The following SHLD3 variants were observed in gnomAD, a reference collection of about 807,000 sequenced individuals.
SHLD3 encodes shieldin complex subunit 3, also known as REV7-interacting novel NHEJ regulator 1.
A neutral mutation model predicts 21.4 loss-of-function variants in SHLD3; 15 were observed. The observed-to-expected ratio is 0.70, with a 90% CI of 0.47 to 1.08. The LOEUF is 1.08. Among genes scored for constraint, SHLD3 ranks in the 50% least tolerant of loss-of-function variants. The pLI is 0.00. For missense variants in SHLD3, 273 were observed against 286.1 expected, an observed-to-expected ratio of 0.95 and a Z score of 0.33; for synonymous variants, 103 against 97.2, an observed-to-expected ratio of 1.06 and a Z score of -0.35.
chr5:65,628,716 C>A (rs557744862), intron 1 of SHLD3, among the ~76,000 whole-genome samples: 1 of 151,998 alleles, frequency 6.6e-6, no homozygotes, highest in South Asian at 2.1e-4. Flanking sequence ...GTGATCTGCC[C>A]GCCTTGGCCC....
intron 1 of SHLD3, among the ~76,000 whole-genome samples, chr5:65,626,411 C>T (rs1755233132): frequency 6.6e-6 from 1 of 152,160 alleles, no homozygotes; most frequent in Non-Finnish European, 1.5e-5. Context: ...TTAACTGCTA[C>T]GTGTGATTTA....
In SHLD3 at chr5:65,625,042, G is replaced by T; in HGVS notation, c.-185G>T. ...CCTGTCCAGCCCCCGTAGGCTGTGG[G>T]TCAAAAGTGCCGGTCAAAATGGAAG... On this transcript the variant is annotated 5_prime_UTR_variant, in exon 1 of 2. Transcript: ENST00000510585. 1 of 1,612,174 alleles carries T rather than the reference G, an allele frequency of 6.2e-7. No homozygotes were observed. Among genetic ancestry groups the T allele is most frequent in the South Asian group, 1.1e-5 (1 of 91,038 alleles).
Position 65,630,717 on chromosome 5 carries a change from A to G in SHLD3, c.*377A>G, listed in dbSNP as rs1755510387. On this transcript the variant is annotated 3_prime_UTR_variant, in exon 2 of 2. Coordinates refer to ENST00000510585, the MANE Select transcript of SHLD3 (RefSeq NM_001365341.2). The stretch of plus-strand genomic sequence containing the variant: ...TCGAAACAATTCTCTTTGGAGTGCT[A>G]TTTATGTGGCATGAATGTAGTTCAA... 6.1e-6 allele frequency: 6 copies of G among 976,352 alleles called. No individual in the cohort carries two copies. Among genetic ancestry groups the G allele is most frequent in the Non-Finnish European group, 7.3e-6 (6 of 818,282 alleles). 60.5% of individuals were successfully genotyped at this position (976,352 alleles called of 1,614,324 possible).
intron 1 of SHLD3, chr5:65,625,377 G>C: frequency 2.3e-6 from 1 of 428,144 alleles, no homozygotes; most frequent in Middle Eastern, 5.8e-4. Flanking sequence ...CTGACGTCCC[G>C]CTCCTACCGT....
At chr5:65,625,250 C>A in intron 1 of SHLD3, 144 bp downstream of exon 1, 1 of 707,796 alleles carries the variant, frequency 1.4e-6, no homozygotes, top group Non-Finnish European at 2.5e-6. Context: ...CGGGAGGAAG[C>A]GATTTCTCCT....
At position 65,629,889 on chromosome 5, in the gene SHLD3, A is replaced by G. The variant is rs1287164251; in HGVS notation, c.302A>G (p.His101Arg). 6.5e-7 allele frequency: 1 copy of G among 1,535,986 alleles called. No individual in the cohort carries two copies. Among genetic ancestry groups the G allele is most frequent in the Non-Finnish European group, 8.7e-7 (1 of 1,146,898 alleles). Residue 101 changes from histidine (H) to arginine (R), a missense_variant, in exon 2 of 2, where the codon CAT (histidine) becomes CGT (arginine). His to Arg is a conservative substitution (Grantham distance 29). Coordinates refer to ENST00000510585, the MANE Select transcript of SHLD3 (RefSeq NM_001365341.2). The part of the protein sequence containing the change: ...LEFQPSLKKQ[H>R]LTWSHTLKEQ... The stretch of plus-strand genomic sequence containing the variant: ...TTTCAACCTAGCTTGAAAAAGCAGC[A>G]TTTAACCTGGTCACACACACTGAAG...
At chr5:65,628,824 AT>A (rs11348831) in intron 1 of SHLD3, among the ~76,000 whole-genome samples, 7,805 of 144,224 alleles carry the variant, frequency 0.054, 617 homozygotes, top group African/African-American at 0.18. Context: ...ACAGATTAGA[AT>A]TTTTTTTTTT....
rs1244898027 is a variant in SHLD3 at position 65,630,245 on chromosome 5, T to G, written c.658T>G (p.Cys220Gly). Residue 220 changes from cysteine (C) to glycine (G), a missense_variant, in exon 2 of 2, where the codon TGT (cysteine) becomes GGT (glycine). Cys to Gly is a radical substitution (Grantham distance 159). Coordinates refer to ENST00000510585, the MANE Select transcript of SHLD3 (RefSeq NM_001365341.2). ...ATGGGTGTTCTGTGATATTATGTAT[T>G]GTGAATATGTGGGAAGTCTTCTTAA... ...QIWVFCDIMY[C>G]EYVGSLLKGR... 2.6e-6 allele frequency: 4 copies of G among 1,535,840 alleles called. No homozygotes were observed. The highest frequency in any genetic ancestry group is 1.4e-5 in the African/African-American group (1 of 73,162).
chr5:65,628,858 C>G (rs2150659539), intron 1 of SHLD3, among the ~76,000 whole-genome samples: 1 of 151,160 alleles, frequency 6.6e-6, no homozygotes, highest in East Asian at 1.9e-4. Context: ...AAGTCTTGCT[C>G]TATCGCCCAG....
chr5:65,627,352 A>G (rs1409141616), intron 1 of SHLD3, among the ~76,000 whole-genome samples: 1 of 152,022 alleles, frequency 6.6e-6, no homozygotes, highest in East Asian at 1.9e-4. Flanking sequence ...TTATCTTTTA[A>G]TATGTAAAAT....
In SHLD3 at chr5:65,630,279, T is replaced by A. The variant is rs761732103; in HGVS notation, c.692T>A (p.Leu231Ter). Residue 231 changes from leucine to a stop codon, truncating the protein, a stop_gained, in exon 2 of 2, where the codon TTA becomes TAA. Coordinates refer to ENST00000510585, the MANE Select transcript of SHLD3 (RefSeq NM_001365341.2). LOFTEE classifies it high-confidence loss of function. ...EYVGSLLKGRLALTGKINLFV... is the reference protein window; with the variant it reads ...EYVGSLLKGR ...GTGGGAAGTCTTCTTAAAGGAAGAT[T>A]AGCTCTTACTGGAAAAATTAATTTA... 79 of 1,533,384 alleles carry A rather than the reference T, an allele frequency of 5.2e-5. No individual in the cohort carries two copies. Among genetic ancestry groups the A allele is most frequent in the Non-Finnish European group, 6.5e-5 (74 of 1,145,528 alleles). The allele number at this position is 1,533,384 out of a possible 1,614,324, so 95.0% of individuals were successfully genotyped here. A position where few individuals can be genotyped will look rare whatever the true frequency, so the allele number is the denominator to read the frequency against.
rs768448535 is a variant in SHLD3, at chr5:65,625,068, T to C, written c.-159T>C. On this transcript the variant is annotated 5_prime_UTR_variant, in exon 1 of 2. Coordinates refer to ENST00000510585, the MANE Select transcript of SHLD3 (RefSeq NM_001365341.2). ...TCAAAAGTGCCGGTCAAAATGGAAGTGAATCCCCCTAAACAGGAGCACCTG... is the reference window on the plus strand; with the variant it reads ...TCAAAAGTGCCGGTCAAAATGGAAGCGAATCCCCCTAAACAGGAGCACCTG... 7 of 1,613,780 alleles carry C rather than the reference T, an allele frequency of 4.3e-6. No individual in the cohort carries two copies. The highest frequency in any genetic ancestry group is 1.1e-5 in the South Asian group (1 of 91,080).
intron 1 of SHLD3, among the ~76,000 whole-genome samples, chr5:65,625,730 AT>A (rs1440419506): frequency 2.0e-5 from 3 of 151,924 alleles, no homozygotes; most frequent in African/African-American, 4.8e-5. Flanking sequence ...TTTTAGGACA[AT>A]TTTTTTAATG....
intron 1 of SHLD3, among the ~76,000 whole-genome samples, chr5:65,627,178 G>A (rs890454130): frequency 3.8e-5 from 5 of 133,202 alleles, no homozygotes; most frequent in Non-Finnish European, 8.2e-5. Flanking sequence ...CAGCCTAAAC[G>A]GACAAGTGCT....
At chr5:65,626,873 G>A (rs1755259378) in intron 1 of SHLD3, among the ~76,000 whole-genome samples, 1 of 151,970 alleles carries the variant, frequency 6.6e-6, no homozygotes, top group Non-Finnish European at 1.5e-5. Flanking sequence ...GCCAGGCGTG[G>A]TGGCTCACGC....
At position 65,630,019 on chromosome 5, in the gene SHLD3, C is replaced by T. The variant is rs1470412339; in HGVS notation, c.432C>T (p.Asn144=). ...TTCCCAGCAATAATTGTACTAAAAA[C>T]GTTTCTCCTTTGTCTAAAAAATTGC... is the stretch of plus-strand genomic sequence containing the variant. ...ISLPSNNCTK[N]VSPLSKKLQD... is the part of the protein sequence containing the mutation. Residue 144 remains asparagine (N), a synonymous_variant, in exon 2 of 2, where the codon AAC becomes AAT. Transcript: ENST00000510585. The T allele has an allele frequency of 5.9e-6, 9 of 1,535,816 alleles. No homozygotes were observed. Among genetic ancestry groups the T allele is most frequent in the African/African-American group, 2.7e-5 (2 of 73,020 alleles).
At chr5:65,628,673 T>C (rs371270120) in intron 1 of SHLD3, among the ~76,000 whole-genome samples, 1 of 151,908 alleles carries the variant, frequency 6.6e-6, no homozygotes, top group Non-Finnish European at 1.5e-5. Context: ...AGTTTCACCA[T>C]GTTGGCCAGG....
At chr5:65,628,497 T>TGA (rs1755353533) in intron 1 of SHLD3, among the ~76,000 whole-genome samples, 2 of 151,702 alleles carry the variant, frequency 1.3e-5, no homozygotes, top group African/African-American at 4.8e-5. Flanking sequence ...TCTTGCCCTG[T>TGA]CACCCAGGCT....
chr5:65,628,461 ATTT>A (rs753065631), intron 1 of SHLD3, among the ~76,000 whole-genome samples: 1 of 143,506 alleles, frequency 7.0e-6, no homozygotes. Context: ...AATCCATATA[ATTT>A]TTTTTTTTTT....
Sources: gnomAD v4.1 joint callset for allele counts (sites outside exome capture counted in the v4.1 genomes callset) on GRCh38, gnomAD v4.1.1 for gene constraint, MANE v1.5 for transcripts, NCBI Gene and HGNC (gene_info 2026-07-23, HGNC 2026-07-21) for gene names.